The following DENND2B variants were observed in gnomAD, a reference collection of about 807,000 sequenced individuals.
DENND2B encodes DENN domain containing 2B.
DENND2B carries 32 observed loss-of-function variants against 116.0 expected under a neutral mutation model. That is an observed-to-expected ratio of 0.28 (90% CI 0.21 to 0.37). The LOEUF (loss-of-function observed/expected upper bound fraction) is 0.37, where lower values mean the gene tolerates loss of function less well. Among genes scored for constraint, DENND2B ranks in the 10% least tolerant of loss-of-function variants. DENND2B has a pLI of 1.00. For synonymous variants in DENND2B, 588 were observed against 583.9 expected, an observed-to-expected ratio of 1.01 and a Z score of -0.10; for missense variants, 1,276 against 1,477.7, an observed-to-expected ratio of 0.86 and a Z score of 2.24.
intron 4 of DENND2B, among the ~76,000 whole-genome samples, chr11:8,831,332 A>G (rs1205084945): frequency 6.6e-6 from 1 of 152,208 alleles, no homozygotes; most frequent in Non-Finnish European, 1.5e-5. Context: ...CAGCAATGCA[A>G]GCATAACCTA....
intron 4 of DENND2B, among the ~76,000 whole-genome samples, chr11:8,823,279 C>T (rs1460496051): frequency 6.6e-6 from 1 of 152,066 alleles, no homozygotes; most frequent in Non-Finnish European, 1.5e-5. Flanking sequence ...CAGAGATGCA[C>T]CGGCAGCTGG....
chr11:8,746,602 T>C (rs2051297034), intron 2 of DENND2B, among the ~76,000 whole-genome samples: 1 of 152,164 alleles, frequency 6.6e-6, no homozygotes, highest in African/African-American at 2.4e-5. Context: ...GAGGGATTTG[T>C]CTTAGTTGGG....
At chr11:8,732,552 T>C (rs1592874238) in intron 2 of DENND2B, among the ~76,000 whole-genome samples, 1 of 152,308 alleles carries the variant, frequency 6.6e-6, no homozygotes, top group East Asian at 1.9e-4. Flanking sequence ...AAGGGACTTC[T>C]TGGTCTTCCC....
intron 1 of DENND2B, among the ~76,000 whole-genome samples, chr11:8,903,088 G>T (rs984259802): frequency 1.3e-5 from 2 of 152,186 alleles, no homozygotes; most frequent in Admixed American, 1.3e-4. Context: ...TCGATCTCTT[G>T]ACCTCATGAT....
chr11:8,718,258 T>C (rs1307337625), intron 4 of DENND2B: 2 of 1,143,606 alleles, frequency 1.7e-6, no homozygotes, highest in Non-Finnish European at 2.5e-6. Flanking sequence ...TTCCCTCTGC[T>C]GCAAACACCC....
At chr11:8,732,118 G>A (rs1450140003) in intron 2 of DENND2B, among the ~76,000 whole-genome samples, 1 of 152,160 alleles carries the variant, frequency 6.6e-6, no homozygotes, top group African/African-American at 2.4e-5. Context: ...AGCCAATGGG[G>A]TGGGGAGGCC....
intron 1 of DENND2B, among the ~76,000 whole-genome samples, chr11:8,758,358 C>A (rs527619293): frequency 6.6e-6 from 1 of 152,290 alleles, no homozygotes; most frequent in Admixed American, 6.5e-5. Flanking sequence ...ACCACGGGAT[C>A]CAGTGAAAGC....
intron 1 of DENND2B, chr11:8,808,686 G>A (rs1308202888): frequency 6.6e-6 from 1 of 152,176 alleles, no homozygotes; most frequent in Non-Finnish European, 1.5e-5. Context: ...TCACAACACG[G>A]TTCGTTAGAT....
At chr11:8,857,129 A>G (rs2063221196) in intron 3 of DENND2B, among the ~76,000 whole-genome samples, 1 of 152,132 alleles carries the variant, frequency 6.6e-6, no homozygotes, top group South Asian at 2.1e-4. Flanking sequence ...TCTTAGAAGA[A>G]TTATCATCTG....
intron 3 of DENND2B, among the ~76,000 whole-genome samples, chr11:8,840,914 A>G (rs2134615017): frequency 6.6e-6 from 1 of 152,324 alleles, no homozygotes; most frequent in Non-Finnish European, 1.5e-5. Flanking sequence ...TGAAATTACA[A>G]TGCTTGTTGA....
Position 8,715,686 on chromosome 11 carries a change from A to G in DENND2B, c.1762T>C (p.Ser588Pro). ...TCTTCATTGAGGCTGGAGGGTGAGG[A>G]CGGCAGACTCAGCTGAGCCAGCAGC... The part of the protein sequence containing the change: ...MLLLAQLSLP[S>P]SPSSLNEDSL... The change falls in exon 6 of 20, where the codon TCC becomes CCC. Residue 588 changes from serine (S) to proline (P), a missense_variant. By Grantham distance (74) the Ser-to-Pro change is moderately conservative. Around this residue, in one of 2 missense-constraint regions of DENND2B, gnomAD observed 856 missense variants for 846.6 expected, o/e 1.01. Transcript: ENST00000313726. 6.2e-7 allele frequency: 1 copy of G among 1,614,078 alleles called. No homozygotes were observed. The highest frequency in any genetic ancestry group is 8.5e-7 in the Non-Finnish European group (1 of 1,180,010).
At chr11:8,711,934 T>C (rs2043792145) in intron 9 of DENND2B, 6 of 455,310 alleles carry the variant, frequency 1.3e-5, no homozygotes, top group South Asian at 9.3e-5. Context: ...AGGGGCTCCA[T>C]GCAGGTGTCT....
chr11:8,831,670 C>T (rs1001838236), intron 4 of DENND2B: 5 of 151,864 alleles, frequency 3.3e-5, no homozygotes, highest in African/African-American at 9.7e-5. Flanking sequence ...AAGAGCAGCC[C>T]GAGCAACACA....
At chr11:8,764,219 CA>C (rs71452485) in intron 1 of DENND2B, among the ~76,000 whole-genome samples, 89,673 of 147,730 alleles carry the variant, frequency 0.61, 27,332 homozygotes, top group Non-Finnish European at 0.66. Flanking sequence ...GAATCAATCT[CA>C]AAAAAAAAAC....
At chr11:8,757,608 C>T (rs1419567095) in intron 1 of DENND2B, among the ~76,000 whole-genome samples, 1 of 152,228 alleles carries the variant, frequency 6.6e-6, no homozygotes, top group Admixed American at 6.5e-5. Context: ...GACTTTTAAA[C>T]ATGTAATTAT....
chr11:8,834,432 T>A (rs2062338458), intron 4 of DENND2B, among the ~76,000 whole-genome samples: 1 of 152,242 alleles, frequency 6.6e-6, no homozygotes, highest in East Asian at 1.9e-4. Context: ...CTAACCCCAC[T>A]AAACAGTAAG....
At chr11:8,766,630 A>C in intron 1 of DENND2B, 5 of 1,289,230 alleles carry the variant, frequency 3.9e-6, no homozygotes, top group Non-Finnish European at 5.1e-6. Flanking sequence ...GATCTGCACG[A>C]AAATACCTTC....
Position 8,730,831 on chromosome 11 carries a change from G to C in DENND2B, c.459C>G (p.Thr153=). The C allele has an allele frequency of 6.2e-7, 1 of 1,613,250 alleles. No individual in the cohort carries two copies. Among genetic ancestry groups the C allele is most frequent in the East Asian group, 2.2e-5 (1 of 44,838 alleles). ...GGCTGTGGGCGCGGGTACCGGTACG[G>C]GTCAGCAAGACGCCCCGGGGGCCAG... ...PAAGPRGVLL[T]RTGTRAHSLG... is the part of the protein sequence containing the mutation. The change falls in exon 3 of 20, where the codon ACC becomes ACG. Residue 153 remains threonine, a synonymous_variant. Coordinates refer to ENST00000313726, the MANE Select transcript of DENND2B (RefSeq NM_213618.2). This position sits in a 1 kb window ranked among gnomAD's most constrained non-coding sequence, Gnocchi z 4.1.
At chr11:8,896,607 A>G (rs2742527) in intron 1 of DENND2B, among the ~76,000 whole-genome samples, 136,661 of 152,202 alleles carry the variant, frequency 0.9, 63,157 homozygotes, top group East Asian at 1. Context: ...ATGATGGTGC[A>G]AAAGCAATAT....
Sources: gnomAD v4.1 joint callset for allele counts (sites outside exome capture counted in the v4.1 genomes callset) on GRCh38, gnomAD v4.1.1 for gene constraint, gnomAD v4.1.1 regional missense constraint, Gnocchi (gnomAD v3.1) non-coding constraint, MANE v1.5 for transcripts, NCBI Gene and HGNC (gene_info 2026-07-23, HGNC 2026-07-21) for gene names.